TSHZ2: variants seen among roughly 807,000 people sequenced by gnomAD.
TSHZ2 encodes the protein teashirt zinc finger homeobox 2.
TSHZ2 carries 21 observed loss-of-function variants against 74.4 expected under a neutral mutation model. The observed-to-expected ratio is 0.28, with a 90% CI of 0.20 to 0.41. The LOEUF is 0.41. Ranked by LOEUF, TSHZ2 falls within the 10% of genes least tolerant of loss-of-function variation. TSHZ2 has a pLI of 1.00. For missense variants in TSHZ2, 1,244 were observed against 1,293.5 expected, an observed-to-expected ratio of 0.96 and a Z score of 0.59; for synonymous variants, 540 against 515.3, an observed-to-expected ratio of 1.05 and a Z score of -0.65.
intron 1 of TSHZ2, among the ~76,000 whole-genome samples, chr20:53,203,105 A>C (rs908802105): frequency 2.0e-5 from 3 of 152,156 alleles, no homozygotes; most frequent in Admixed American, 6.5e-5. Context: ...CCTCAGATGA[A>C]TCTATGGGCA....
chr20:53,238,379 G>A (rs553524820), intron 1 of TSHZ2, among the ~76,000 whole-genome samples: 1 of 152,244 alleles, frequency 6.6e-6, no homozygotes, highest in East Asian at 1.9e-4. Flanking sequence ...CAAGGGGGCA[G>A]AATCAAAAGA....
At position 53,050,109 on chromosome 20, in the gene TSHZ2, A is replaced by ATATATATACACATACATATATATATGTG. The variant is rs1389192623; in HGVS notation, c.40+76784_40+76785insCACATACATATATATATGTGTATATATA. 0.014 allele frequency among the ~76,000 whole-genome samples: 1,315 copies of ATATATATACACATACATATATATATGTG among 95,444 alleles called. 54 individuals are homozygous for ATATATATACACATACATATATATATGTG. In the East Asian group the frequency reaches 0.14, roughly 10 times the overall value. 62.6% of individuals were successfully genotyped at this position (95,444 alleles called of 152,430 possible). A position where few individuals can be genotyped will look rare whatever the true frequency, so the allele number is the denominator to read the frequency against. ...AAAAAAAATGTATATGTGTGTATAT[A>ATATATATACACATACATATATATATGTG]TATATATATATATATACACATATAT... On this transcript the variant is annotated intron_variant, in intron 1 of 2. Transcript: ENST00000371497.
At chr20:53,241,696 C>T (rs879361180) in intron 1 of TSHZ2, among the ~76,000 whole-genome samples, 1 of 152,032 alleles carries the variant, frequency 6.6e-6, no homozygotes, top group Non-Finnish European at 1.5e-5. Context: ...TGATTTTTAC[C>T]AGGCATTCTG....
chr20:53,455,280 T>G (rs1378268055), intron 2 of TSHZ2: 1 of 152,256 alleles, frequency 6.6e-6, no homozygotes, highest in Non-Finnish European at 1.5e-5. Flanking sequence ...TCTTGATGGC[T>G]TGCTTGCTTA....
chr20:53,286,031 A>T (rs1991157563), intron 2 of TSHZ2, among the ~76,000 whole-genome samples: 1 of 152,216 alleles, frequency 6.6e-6, no homozygotes, highest in Non-Finnish European at 1.5e-5. Flanking sequence ...TTTATTATGA[A>T]AAGTGAAGGT....
intron 1 of TSHZ2, among the ~76,000 whole-genome samples, chr20:53,022,573 T>C (rs1385724875): frequency 6.6e-6 from 1 of 152,134 alleles, no homozygotes; most frequent in African/African-American, 2.4e-5. Context: ...CTTTTAAAAA[T>C]ATATCTGCAC....
At chr20:53,196,680 C>A (rs552259514) in intron 1 of TSHZ2, 1 of 152,242 alleles carries the variant, frequency 6.6e-6, no homozygotes, top group Admixed American at 6.5e-5. Flanking sequence ...AACAGGCAGA[C>A]AAAAAATATA....
chr20:53,217,956 C>T (rs1423325399), intron 1 of TSHZ2, among the ~76,000 whole-genome samples: 3 of 152,178 alleles, frequency 2.0e-5, no homozygotes, highest in Non-Finnish European at 4.4e-5. Context: ...TTTCACATCC[C>T]AAAGCATAGA....
intron 1 of TSHZ2, among the ~76,000 whole-genome samples, chr20:52,977,602 G>A (rs117344056): frequency 3.3e-5 from 5 of 151,994 alleles, no homozygotes; most frequent in Non-Finnish European, 7.4e-5. Context: ...CATTTTGGAC[G>A]GAAATTGATT....
intron 1 of TSHZ2, among the ~76,000 whole-genome samples, chr20:53,225,168 C>G (rs1209753340): frequency 6.6e-6 from 1 of 152,198 alleles, no homozygotes; most frequent in Non-Finnish European, 1.5e-5. Flanking sequence ...CATAGGTGGC[C>G]AATCCCAGGC....
intron 2 of TSHZ2, among the ~76,000 whole-genome samples, chr20:53,470,970 T>TTATC (rs1192683552): frequency 6.6e-6 from 1 of 152,212 alleles, no homozygotes; most frequent in Non-Finnish European, 1.5e-5. Context: ...TTCAACTTCT[T>TTATC]TATCTTTGGG....
At chr20:53,206,595 G>C (rs907303916) in intron 1 of TSHZ2, 1 of 152,196 alleles carries the variant, frequency 6.6e-6, no homozygotes, top group Non-Finnish European at 1.5e-5. Context: ...TTTGAACACT[G>C]TATACCCTCT....
intron 1 of TSHZ2, among the ~76,000 whole-genome samples, chr20:53,007,837 C>G (rs1982702776): frequency 6.6e-6 from 1 of 151,536 alleles, no homozygotes; most frequent in Non-Finnish European, 1.5e-5. Flanking sequence ...GATTAAAATC[C>G]AAATTAGGTT....
chr20:53,356,431 A>C lies in TSHZ2; in HGVS notation c.*8+99860A>C, dbSNP rs376321929. On this transcript the variant is annotated intron_variant, in intron 2 of 2. Coordinates refer to ENST00000371497, the MANE Select transcript of TSHZ2 (RefSeq NM_173485.6). ...AGTCACACAGGGCCCCATGCTTAGA[A>C]GAGTCCCACACTTGCTTTAACAGCC... is the stretch of plus-strand genomic sequence containing the variant. Among the ~76,000 whole-genome samples, 8 of 152,320 alleles carry C rather than the reference A, an allele frequency of 5.3e-5. No homozygotes were observed. The East Asian group carries it at 1.3e-3, about 26-fold the overall frequency.
At position 53,469,824 on chromosome 20, in the gene TSHZ2, AAG is replaced by A. The variant is rs1568932246; in HGVS notation, c.*9-17313_*9-17312del. Among the ~76,000 whole-genome samples the A allele has an allele frequency of 1.6e-5, 2 of 128,086 alleles. 1 individual carries two copies. Among genetic ancestry groups the A allele is most frequent in the African/African-American group, 5.8e-5 (2 of 34,326 alleles). The allele number at this position is 128,086 out of a possible 152,430, so 84.0% of individuals were successfully genotyped here. On this transcript the variant is annotated intron_variant, in intron 2 of 2. Coordinates refer to ENST00000371497, the MANE Select transcript of TSHZ2 (RefSeq NM_173485.6). ...AGGAAGGACCCAACAAAGATAGAGA[AAG>A]AGAGAGGGAGGAAGGGAGGGAGGGA...
chr20:53,127,841 T>G (rs184240810), intron 1 of TSHZ2, among the ~76,000 whole-genome samples: 6 of 152,154 alleles, frequency 3.9e-5, no homozygotes, highest in Non-Finnish European at 8.8e-5. Flanking sequence ...GGCAGAGGCA[T>G]GATTTGAACC....
At chr20:53,301,209 C>T (rs1649941901) in intron 2 of TSHZ2, among the ~76,000 whole-genome samples, 1 of 152,212 alleles carries the variant, frequency 6.6e-6, no homozygotes, top group Admixed American at 6.5e-5. Flanking sequence ...CCTCCCACCT[C>T]AGCCTCCCAA....
rs34045440 is a variant in TSHZ2 at position 53,140,539 on chromosome 20, CAA to C, written c.41-112936_41-112935del. Reference sequence around the variant, plus strand: ...TGGGTGACAGAGCAAGACTCCGTCTCAAAAAAAAAAAAAAAAAAAAAAAAAGA... The same window carrying C: ...TGGGTGACAGAGCAAGACTCCGTCTCAAAAAAAAAAAAAAAAAAAAAAAGA... On this transcript the variant is annotated intron_variant, in intron 1 of 2. Transcript: ENST00000371497. Among the ~76,000 whole-genome samples the C allele has an allele frequency of 9.7e-3, 776 of 79,644 alleles. 7 individuals are homozygous for C. The highest frequency in any genetic ancestry group is 0.077 in the East Asian group (185 of 2,388). 52.2% of individuals were successfully genotyped at this position (79,644 alleles called of 152,430 possible).
At chr20:53,423,691 C>T (rs1011465906) in intron 2 of TSHZ2, among the ~76,000 whole-genome samples, 7 of 152,210 alleles carry the variant, frequency 4.6e-5, no homozygotes, top group African/African-American at 1.7e-4. Context: ...CACATGTCAC[C>T]TCATTCCGCC....
Sources: gnomAD v4.1 joint callset for allele counts (sites outside exome capture counted in the v4.1 genomes callset) on GRCh38, gnomAD v4.1.1 for gene constraint, MANE v1.5 for transcripts, NCBI Gene and HGNC (gene_info 2026-07-23, HGNC 2026-07-21) for gene names.